Variants in MYH14 observed in about 807,000 individuals in gnomAD.
MYH14 encodes the protein myosin heavy chain 14.
MYH14 carries 123 observed loss-of-function variants against 255.5 expected under a neutral mutation model. That is an observed-to-expected ratio of 0.48 (90% CI 0.42 to 0.56). MYH14 has a LOEUF of 0.56. Ranked by LOEUF, MYH14 falls within the 20% of genes least tolerant of loss-of-function variation. MYH14 has a pLI of 0.00. For synonymous variants in MYH14, 1,095 were observed against 1,161.2 expected, an observed-to-expected ratio of 0.94 and a Z score of 1.16; for missense variants, 2,423 against 2,802.3, an observed-to-expected ratio of 0.86 and a Z score of 3.06.
At chr19:50,303,513 C>T (rs888328192) in intron 40 of MYH14, among the ~76,000 whole-genome samples, 53 of 152,246 alleles carry the variant, frequency 3.5e-4, no homozygotes, top group African/African-American at 1.3e-3. Flanking sequence ...TCACTCAGCC[C>T]GCTCAGATTC....
At chr19:50,301,948 C>A in intron 40 of MYH14, 79 bp downstream of exon 40, 1 of 1,199,184 alleles carries the variant, frequency 8.3e-7, no homozygotes, top group Non-Finnish European at 1.2e-6. Flanking sequence ...GTGTTACAAA[C>A]ACGTGGTTTA....
Position 50,210,540 on chromosome 19 carries a change from C to T in MYH14, c.175C>T (p.Pro59Ser). 1 of 1,580,504 alleles carries T rather than the reference C, an allele frequency of 6.3e-7. No individual in the cohort carries two copies. Among genetic ancestry groups the T allele is most frequent in the Non-Finnish European group, 8.6e-7 (1 of 1,164,740 alleles). Residue 59 changes from proline (P) to serine (S), a missense_variant, in exon 2 of 43, where the codon CCT becomes TCT. Transcript: ENST00000642316. Reference protein sequence around the residue: ...EWTARRLVWVPSELHGFEAAA... With the variant: ...EWTARRLVWVSSELHGFEAAA... ...GACGGCCCGGCGTCTCGTGTGGGTG[C>T]CTTCGGAGCTTCACGGGTTCGAGGC...
chr19:50,299,480 A>G (rs1157337975), intron 39 of MYH14, among the ~76,000 whole-genome samples: 1 of 147,850 alleles, frequency 6.8e-6, no homozygotes, highest in South Asian at 2.2e-4. Context: ...CTGAGGCCGG[A>G]GAATCACTTG....
intron 1 of MYH14, among the ~76,000 whole-genome samples, chr19:50,206,258 G>T (rs966362191): frequency 6.6e-6 from 1 of 151,824 alleles, no homozygotes; most frequent in Non-Finnish European, 1.5e-5. Flanking sequence ...AGAGGAGGAG[G>T]CTGGGAGCTC....
chr19:50,264,863 G>T (rs193242186), intron 22 of MYH14, among the ~76,000 whole-genome samples: 20 of 152,302 alleles, frequency 1.3e-4, no homozygotes, highest in African/African-American at 4.8e-4. Flanking sequence ...AAGCCAGGTC[G>T]CCATGCACCA....
At position 50,271,952 on chromosome 19, in the gene MYH14, C is replaced by G; in HGVS notation, c.3275C>G (p.Ala1092Gly). 6.2e-7 allele frequency: 1 copy of G among 1,610,392 alleles called. No homozygotes were observed. The highest frequency in any genetic ancestry group is 8.5e-7 in the Non-Finnish European group (1 of 1,178,504). Residue 1092 changes from alanine (A) to glycine (G), a missense_variant, in exon 26 of 43, where the codon GCC becomes GGC. By Grantham distance (60) the Ala-to-Gly change is moderately conservative. This residue lies in a region of MYH14 where 1,513 missense variants were observed against 1,674.8 expected (regional missense o/e 0.90). Transcript: ENST00000642316. ...SLNKLRLKYE[A>G]TIADMEDRLR... Reference sequence around the variant, plus strand: ...AATAAGCTACGGCTCAAATATGAGGCCACAATCGCAGACATGGAGGGTGAG... The same window carrying G: ...AATAAGCTACGGCTCAAATATGAGGGCACAATCGCAGACATGGAGGGTGAG...
rs1410651183 is a variant in MYH14, at chr19:50,310,218, C to T, written c.*428C>T. 5 of 249,308 alleles carry T rather than the reference C, an allele frequency of 2.0e-5. No homozygotes were observed. Among genetic ancestry groups the T allele is most frequent in the East Asian group, 1.4e-4 (1 of 7,100 alleles). 15.4% of individuals were successfully genotyped at this position (249,308 alleles called of 1,614,324 possible). A position where few individuals can be genotyped will look rare whatever the true frequency, so the allele number is the denominator to read the frequency against. On this transcript the variant is annotated 3_prime_UTR_variant, in exon 43 of 43. Coordinates refer to ENST00000642316, the MANE Select transcript of MYH14 (RefSeq NM_001145809.2). Reference sequence around the variant, plus strand: ...CCCTCCCTCTCCTTCCCTACCCTCTCACCATCTTTCTTGGCCTCTCTGAGG... The same window carrying T: ...CCCTCCCTCTCCTTCCCTACCCTCTTACCATCTTTCTTGGCCTCTCTGAGG...
At chr19:50,247,520 T>A (rs1432427342) in intron 12 of MYH14, among the ~76,000 whole-genome samples, 3 of 151,342 alleles carry the variant, frequency 2.0e-5, no homozygotes, top group East Asian at 2.0e-4. Context: ...AATTAAAAAA[T>A]TTAATAATAA....
At chr19:50,258,351 G>T (rs1322907444) in intron 18 of MYH14, 1 of 152,100 alleles carries the variant, frequency 6.6e-6, no homozygotes, top group Non-Finnish European at 1.5e-5. Context: ...TCCTTTCTTG[G>T]TGGCATATTT....
intron 3 of MYH14, 102 bp from the exon 4 acceptor site, chr19:50,222,981 C>T: frequency 1.7e-6 from 2 of 1,167,606 alleles, no homozygotes; most frequent in Non-Finnish European, 2.6e-6. Flanking sequence ...TTTCCTTACT[C>T]CCTGGGAATA....
chr19:50,224,571 A>T (rs1030733547), intron 6 of MYH14, among the ~76,000 whole-genome samples: 1 of 152,124 alleles, frequency 6.6e-6, no homozygotes, highest in African/African-American at 2.4e-5. Context: ...CCACCTAGCT[A>T]GATCATTTCA....
intron 24 of MYH14, 134 bp from the exon 25 acceptor site, chr19:50,271,275 C>T: frequency 4.6e-6 from 4 of 877,626 alleles, no homozygotes; most frequent in Non-Finnish European, 6.9e-6. Context: ...CCTTCCCGGC[C>T]TCACCCAGGG....
chr19:50,208,101 C>T (rs1380929167), intron 1 of MYH14, among the ~76,000 whole-genome samples: 2 of 152,192 alleles, frequency 1.3e-5, no homozygotes, highest in Admixed American at 6.5e-5. Context: ...TATTCCTCCC[C>T]TTGGTATTTA....
intron 8 of MYH14, among the ~76,000 whole-genome samples, chr19:50,228,580 C>T (rs573380689): frequency 3.3e-5 from 5 of 152,250 alleles, no homozygotes; most frequent in African/African-American, 1.2e-4. Flanking sequence ...CTGCTCCTGC[C>T]GTTTTCTGCT....
Position 50,210,491 on chromosome 19 carries a change from G to A in MYH14, c.126G>A (p.Ser42=), listed in dbSNP as rs1176973885. The part of the protein sequence containing the change: ...RGPSAGGGPG[S]GTSPQVEWTA... Reference sequence around the variant, plus strand: ...CCAGCGCGGGTGGCGGGCCTGGCTCGGGCACCTCCCCGCAGGTGGAGTGGA... The same window carrying A: ...CCAGCGCGGGTGGCGGGCCTGGCTCAGGCACCTCCCCGCAGGTGGAGTGGA... Residue 42 remains serine (S), a synonymous_variant, in exon 2 of 43, where the codon TCG becomes TCA. Transcript: ENST00000642316. 1.3e-6 allele frequency: 2 copies of A among 1,557,472 alleles called. No individual in the cohort carries two copies. Among genetic ancestry groups the A allele is most frequent in the Admixed American group, 1.9e-5 (1 of 52,084 alleles).
chr19:50,256,751 ATTGCAT>A (rs1370169605), intron 17 of MYH14, among the ~76,000 whole-genome samples: 3 of 152,234 alleles, frequency 2.0e-5, no homozygotes, highest in Non-Finnish European at 4.4e-5. Flanking sequence ...TATTTCAAAT[ATTGCAT>A]ATAATGCAAG....
chr19:50,251,521 T>TACACACACACAC, intron 15 of MYH14, among the ~76,000 whole-genome samples: 1 of 72,646 alleles, frequency 1.4e-5, no homozygotes, highest in Non-Finnish European at 3.4e-5. Flanking sequence ...ATATACACAC[T>TACACACACACAC]ACACACACAC....
intron 8 of MYH14, among the ~76,000 whole-genome samples, chr19:50,228,816 G>A (rs1001245780): frequency 6.6e-6 from 1 of 152,168 alleles, no homozygotes; most frequent in African/African-American, 2.4e-5. Flanking sequence ...CACAGCTGTG[G>A]TCCCGGCTGT....
At chr19:50,217,168 C>G (rs1222271306) in intron 2 of MYH14, among the ~76,000 whole-genome samples, 1 of 152,174 alleles carries the variant, frequency 6.6e-6, no homozygotes, top group Non-Finnish European at 1.5e-5. Context: ...CAACTCACCT[C>G]CTTTTACTTG....
Sources: allele counts gnomAD v4.1 joint callset (sites outside exome capture counted in the v4.1 genomes callset), GRCh38; gene constraint gnomAD v4.1.1; regional missense constraint gnomAD v4.1.1; transcripts MANE v1.5; gene names NCBI Gene and HGNC (gene_info 2026-07-23, HGNC 2026-07-21).